Variants in FAN1 observed in about 807,000 individuals in gnomAD.
FAN1 encodes fanconi-associated nuclease 1.
FAN1 carries 91 observed loss-of-function variants against 104.9 expected under a neutral mutation model. That is an observed-to-expected ratio of 0.87 (90% CI 0.73 to 1.03). The LOEUF (loss-of-function observed/expected upper bound fraction) is 1.03, where lower values mean the gene tolerates loss of function less well. FAN1 is among the 50% of genes least tolerant of loss of function. The pLI is 0.00. For synonymous variants in FAN1, 478 were observed against 457.6 expected (o/e 1.04, Z -0.57); for missense variants, 1,263 against 1,239.9 (o/e 1.02, Z -0.28).
intron 14 of FAN1, chr15:30,940,580 T>G (rs1290930826): frequency 1.0e-6 from 1 of 985,394 alleles, no homozygotes; most frequent in Non-Finnish European, 1.2e-6. Context: ...AAGCCTTGTT[T>G]GTTTTTGAGG....
intron 8 of FAN1, among the ~76,000 whole-genome samples, chr15:30,923,004 C>A (rs757198620): frequency 4.8e-4 from 73 of 152,212 alleles, no homozygotes; most frequent in Non-Finnish European, 1.0e-3. Flanking sequence ...TTTGTGTGGC[C>A]GCCAGCAGGC....
chr15:30,924,424 G>T (rs1034561980), intron 8 of FAN1, among the ~76,000 whole-genome samples: 1 of 152,162 alleles, frequency 6.6e-6, no homozygotes. Context: ...TTTTCACAGT[G>T]TTTACACCAG....
intron 5 of FAN1, 124 bp from the exon 6 acceptor site, chr15:30,918,040 T>C (rs1328764220): frequency 2.2e-6 from 2 of 894,204 alleles, no homozygotes; most frequent in Non-Finnish European, 3.4e-6. Flanking sequence ...GAATAAAATT[T>C]AAGTGGCCCT....
Position 30,941,842 on chromosome 15 carries a change from T to C in FAN1, c.*280T>C, listed in dbSNP as rs1566942960. ...GGAAGTAGCACAGTTTCCACAGTTT[T>C]ATGTGTGTTCCAGAGACACGTGGCA... On this transcript the variant is annotated 3_prime_UTR_variant, in exon 15 of 15. Transcript: ENST00000362065. 2 of 1,613,882 alleles carry C rather than the reference T, an allele frequency of 1.2e-6. No individual in the cohort carries two copies. Among genetic ancestry groups the C allele is most frequent in the Non-Finnish European group, 1.7e-6 (2 of 1,179,906 alleles).
Position 30,904,700 on chromosome 15 carries a change from C to A in FAN1, c.37C>A (p.Pro13Thr). ...AGGGAAACCTCCTGACAAAAAAAGG[C>A]CTCGTAGAAGCTTATCAATCAGCAA... ...SEGKPPDKKRPRRSLSISKNK... is the reference protein window; with the variant it reads ...SEGKPPDKKRTRRSLSISKNK... Residue 13 changes from proline (P) to threonine (T), a missense_variant, in exon 2 of 15, where the codon CCT becomes ACT. Pro to Thr is a conservative substitution (Grantham distance 38). This residue lies in a region of FAN1 where 682 missense variants were observed against 571.1 expected (regional missense o/e 1.19). Transcript: ENST00000362065. 1 of 1,605,890 alleles carries A rather than the reference C, an allele frequency of 6.2e-7. No individual in the cohort carries two copies. Among genetic ancestry groups the A allele is most frequent in the South Asian group, 1.1e-5 (1 of 90,296 alleles).
At chr15:30,922,034 T>C (rs911921298) in intron 7 of FAN1, among the ~76,000 whole-genome samples, 1 of 152,102 alleles carries the variant, frequency 6.6e-6, no homozygotes, top group South Asian at 2.1e-4. Context: ...GGGTGAAGAG[T>C]GAGGATGCCT....
At chr15:30,940,949 A>T (rs1252402490) in intron 14 of FAN1, 35 of 1,091,018 alleles carry the variant, frequency 3.2e-5, no homozygotes, top group Non-Finnish European at 3.8e-5. Context: ...GTTCCAAAGA[A>T]GGTGATCTAA....
chr15:30,922,497 C>A, intron 8 of FAN1, 143 bp downstream of exon 8: 1 of 890,056 alleles, frequency 1.1e-6, no homozygotes. Flanking sequence ...CTGTGTTCTT[C>A]CAACCCCAAA....
In FAN1 at chr15:30,904,892, G is replaced by C. The variant is rs533629765; in HGVS notation, c.229G>C (p.Val77Leu). 1.9e-6 allele frequency: 3 copies of C among 1,613,974 alleles called. No homozygotes were observed. The highest frequency in any genetic ancestry group is 2.5e-6 in the Non-Finnish European group (3 of 1,179,960). ...CTTCGTTCAAGTGGATCCAGGGCAG[G>C]TTGGCTTAATAAATTCAAATGTGTC... Reference protein sequence around the residue: ...NDFVQVDPGQVGLINSNVSMV... With the variant: ...NDFVQVDPGQLGLINSNVSMV... Residue 77 changes from valine (V) to leucine (L), a missense_variant, in exon 2 of 15, where the codon GTT becomes CTT. Transcript: ENST00000362065.
At chr15:30,931,988 A>C (rs2062722247) in intron 13 of FAN1, among the ~76,000 whole-genome samples, 1 of 151,372 alleles carries the variant, frequency 6.6e-6, no homozygotes, top group African/African-American at 2.4e-5. Flanking sequence ...TTTGGGAGAC[A>C]GAGGTGGGCG....
Position 30,920,672 on chromosome 15 carries a change from G to T in FAN1, c.2052+19G>T. ...GTATGAGGTTAGAGCACAGGTCCCT[G>T]CCCCCCACCATTACTGATGTGATGG... On this transcript the variant is annotated intron_variant, in intron 7 of 14. Transcript: ENST00000362065. 7.0e-7 allele frequency: 1 copy of T among 1,422,394 alleles called. No homozygotes were observed. Among genetic ancestry groups the T allele is most frequent in the Non-Finnish European group, 9.8e-7 (1 of 1,016,950 alleles). The allele number at this position is 1,422,394 out of a possible 1,614,324, so 88.1% of individuals were successfully genotyped here.
intron 11 of FAN1, 156 bp downstream of exon 11, chr15:30,928,812 T>G: frequency 3.1e-6 from 3 of 981,606 alleles, no homozygotes; most frequent in Non-Finnish European, 3.6e-6. Flanking sequence ...TTTAAAAATC[T>G]GAGTAATAGA....
Position 30,942,852 on chromosome 15 carries a change from G to A in FAN1, c.*1290G>A, listed in dbSNP as rs559837944. ...TTCTGAAAAAGAGGTGTTTGGTTAC[G>A]TGTGAGCCAACATCACGTTTTGTTA... On this transcript the variant is annotated 3_prime_UTR_variant, in exon 15 of 15. Transcript: ENST00000362065. 7.2e-6 allele frequency: 11 copies of A among 1,524,618 alleles called. No individual in the cohort carries two copies. Among genetic ancestry groups the A allele is most frequent in the South Asian group, 3.7e-5 (3 of 81,266 alleles). The allele number at this position is 1,524,618 out of a possible 1,614,324, so 94.4% of individuals were successfully genotyped here. A position where few individuals can be genotyped will look rare whatever the true frequency, so the allele number is the denominator to read the frequency against.
rs1452269132 is a variant in FAN1 at position 30,905,046 on chromosome 15, A to G, written c.383A>G (p.Tyr128Cys). 6.2e-7 allele frequency: 1 copy of G among 1,614,100 alleles called. No homozygotes were observed. The highest frequency in any genetic ancestry group is 1.7e-5 in the Admixed American group (1 of 60,026). Residue 128 changes from tyrosine (Y) to cysteine (C), a missense_variant, in exon 2 of 15, where the codon TAC becomes TGC. Tyr to Cys is a radical substitution (Grantham distance 194, BLOSUM62 -2). Transcript: ENST00000362065. ...GAAGTAAAGCAGAAGATCAGTCCCT[A>G]CTTTAAAAGTAATGATGTGGTGTGC... Reference protein sequence around the residue: ...KREVKQKISPYFKSNDVVCKN... With the variant: ...KREVKQKISPCFKSNDVVCKN...
chr15:30,939,878 C>G, intron 14 of FAN1: 2 of 985,370 alleles, frequency 2.0e-6, no homozygotes, highest in Non-Finnish European at 2.4e-6. Context: ...CCCTTATTTT[C>G]TAGGCAACAA....
intron 5 of FAN1, among the ~76,000 whole-genome samples, chr15:30,914,555 T>C (rs917741962): frequency 1.3e-5 from 2 of 152,100 alleles, no homozygotes; most frequent in African/African-American, 4.8e-5. Flanking sequence ...TTGGTAGAGA[T>C]GGGGTTTCAC....
intron 2 of FAN1, chr15:30,906,397 A>G (rs1265965830): frequency 4.4e-6 from 2 of 456,914 alleles, no homozygotes; most frequent in Admixed American, 2.3e-5. Flanking sequence ...TTTTAAAGAC[A>G]GGGTGTGGAG....
At position 30,939,081 on chromosome 15, in the gene FAN1, G is replaced by A. The variant is rs529147631; in HGVS notation, c.*3+1822G>A. The A allele has an allele frequency of 2.5e-5, 25 of 985,370 alleles. No homozygotes were observed. In the East Asian group the frequency reaches 1.7e-3, roughly 67 times the overall value. 61.0% of individuals were successfully genotyped at this position (985,370 alleles called of 1,614,324 possible). A position where few individuals can be genotyped will look rare whatever the true frequency, so the allele number is the denominator to read the frequency against. On this transcript the variant is annotated intron_variant, in intron 14 of 14. Coordinates refer to ENST00000362065, the MANE Select transcript of FAN1 (RefSeq NM_014967.5). Reference sequence around the variant, plus strand: ...TAGGCACAAAGGTTTTAGTTTTCTCGGGAAATCAAGTTTTAACCACTTGAG... The same window carrying A: ...TAGGCACAAAGGTTTTAGTTTTCTCAGGAAATCAAGTTTTAACCACTTGAG...
At chr15:30,927,242 C>T in intron 10 of FAN1, 1 of 985,540 alleles carries the variant, frequency 1.0e-6, no homozygotes, top group South Asian at 4.7e-5. Context: ...CAGAAATGAT[C>T]TGGCCTTTAT....
Sources: gnomAD v4.1 joint callset for allele counts (sites outside exome capture counted in the v4.1 genomes callset) on GRCh38, gnomAD v4.1.1 for gene constraint, gnomAD v4.1.1 regional missense constraint, MANE v1.5 for transcripts, NCBI Gene and HGNC (gene_info 2026-07-23, HGNC 2026-07-21) for gene names.